Variants in PSD3 observed in about 807,000 individuals in gnomAD.
PSD3 encodes PH and SEC7 domain-containing protein 3.
In PSD3, 49 loss-of-function variants were observed where a neutral mutation model predicts 105.5. That is an observed-to-expected ratio of 0.46 (90% confidence interval 0.37 to 0.59). PSD3 has a LOEUF of 0.59. Among genes scored for constraint, PSD3 ranks in the 20% least tolerant of loss-of-function variants. The pLI, the probability that PSD3 is intolerant of heterozygous loss-of-function variation, is 0.00. For synonymous variants in PSD3, 557 were observed against 457.8 expected (o/e 1.22, Z -2.77); for missense variants, 1,561 against 1,263.8 (o/e 1.24, Z -3.57).
chr8:18,659,105 G>C (rs1241895281), intron 9 of PSD3, among the ~76,000 whole-genome samples: 1 of 152,180 alleles, frequency 6.6e-6, no homozygotes, highest in Admixed American at 6.5e-5. Context: ...CTGAAGCCAA[G>C]GGGACTAGGG....
chr8:18,829,080 A>T (rs910468628), intron 4 of PSD3, among the ~76,000 whole-genome samples: 1 of 152,024 alleles, frequency 6.6e-6, no homozygotes, highest in East Asian at 1.9e-4. Flanking sequence ...TAAAAAAAAA[A>T]TACTGAAAAT....
At chr8:18,825,005 A>G (rs756523841) in intron 4 of PSD3, among the ~76,000 whole-genome samples, 1 of 152,152 alleles carries the variant, frequency 6.6e-6, no homozygotes, top group Non-Finnish European at 1.5e-5. Flanking sequence ...ACACACATAC[A>G]ATGTTTTAAC....
chr8:19,082,594 A>G (rs979603784), intron 1 of PSD3, among the ~76,000 whole-genome samples: 2 of 150,352 alleles, frequency 1.3e-5, no homozygotes, highest in Non-Finnish European at 3.0e-5. Context: ...AATTAGGTGG[A>G]CAAGGGTGAG....
chr8:18,993,970 T>C (rs1773582003), intron 1 of PSD3, among the ~76,000 whole-genome samples: 1 of 152,042 alleles, frequency 6.6e-6, no homozygotes, highest in Non-Finnish European at 1.5e-5. Flanking sequence ...AATGTATGTA[T>C]CACTGACATG....
intron 9 of PSD3, among the ~76,000 whole-genome samples, chr8:18,692,704 C>T (rs953022382): frequency 6.6e-6 from 1 of 152,162 alleles, no homozygotes; most frequent in African/African-American, 2.4e-5. Flanking sequence ...TTCCCAGTAA[C>T]TGATGTTTGG....
chr8:19,078,892 C>T (rs1295801811), intron 1 of PSD3, among the ~76,000 whole-genome samples: 24 of 151,316 alleles, frequency 1.6e-4, no homozygotes, highest in Non-Finnish European at 2.9e-5. Context: ...GAAGAATGGG[C>T]AAGCAGAAGA....
At chr8:18,834,944 G>A (rs1266443039) in intron 4 of PSD3, among the ~76,000 whole-genome samples, 4 of 152,158 alleles carry the variant, frequency 2.6e-5, no homozygotes, top group Non-Finnish European at 1.5e-5. Flanking sequence ...GTAAAAAAAG[G>A]GTAAGCAGAT....
intron 4 of PSD3, among the ~76,000 whole-genome samples, chr8:18,844,707 T>C (rs777682860): frequency 6.6e-6 from 1 of 152,202 alleles, no homozygotes; most frequent in African/African-American, 2.4e-5. Context: ...ATAAGATTAT[T>C]AGAAAAGTTA....
chr8:18,983,130 A>G (rs1825324779), intron 1 of PSD3, among the ~76,000 whole-genome samples: 1 of 152,230 alleles, frequency 6.6e-6, no homozygotes, highest in South Asian at 2.1e-4. Context: ...TTTATGTTAT[A>G]AAGATGGCCT....
At chr8:18,641,524 T>C (rs1407923647) in intron 10 of PSD3, among the ~76,000 whole-genome samples, 2 of 152,210 alleles carry the variant, frequency 1.3e-5, no homozygotes, top group East Asian at 3.9e-4. Flanking sequence ...GAAGAGTCTG[T>C]ATCAAACATG....
In PSD3 at chr8:19,052,423, G is replaced by A. The variant is rs569387596; in HGVS notation, c.324+31783C>T. Among the ~76,000 whole-genome samples, 18 of 147,116 alleles carry A rather than the reference G, an allele frequency of 1.2e-4. No homozygotes were observed. In the East Asian group the frequency reaches 3.4e-3, roughly 28 times the overall value. On this transcript the variant is annotated intron_variant, in intron 1 of 1. Transcript: ENST00000521475. Reference sequence around the variant, plus strand: ...GGAGGCAGAGGTTGCAGTGAGCCGAGATCGCACCACTGCACTCCAGCCTGG... The same window carrying A: ...GGAGGCAGAGGTTGCAGTGAGCCGAAATCGCACCACTGCACTCCAGCCTGG...
At chr8:19,026,894 T>C (rs894612683) in intron 1 of PSD3, among the ~76,000 whole-genome samples, 7 of 151,262 alleles carry the variant, frequency 4.6e-5, no homozygotes, top group African/African-American at 1.7e-4. Flanking sequence ...AATATATATA[T>C]ATACAAAGAA....
At chr8:18,821,817 T>A (rs1812748089) in intron 4 of PSD3, among the ~76,000 whole-genome samples, 1 of 104,956 alleles carries the variant, frequency 9.5e-6, no homozygotes, top group Non-Finnish European at 2.0e-5. Flanking sequence ...GCCTCTCACT[T>A]CAAGTGTTTT....
At chr8:18,891,068 C>A (rs1818754664) in intron 2 of PSD3, among the ~76,000 whole-genome samples, 1 of 152,162 alleles carries the variant, frequency 6.6e-6, no homozygotes, top group Non-Finnish European at 1.5e-5. Flanking sequence ...CCAGAGCTTA[C>A]TATGGATAAT....
chr8:18,911,501 G>A (rs886124782), intron 2 of PSD3, among the ~76,000 whole-genome samples: 1 of 152,116 alleles, frequency 6.6e-6, no homozygotes, highest in African/African-American at 2.4e-5. Context: ...CTGGGCCTCA[G>A]TGAGTCTCAG....
At chr8:18,763,109 C>T (rs764867818) in intron 9 of PSD3, 4 of 455,472 alleles carry the variant, frequency 8.8e-6, no homozygotes, top group South Asian at 1.6e-5. Flanking sequence ...ACAAATGTTA[C>T]TTCTGGGCCA....
intron 8 of PSD3, among the ~76,000 whole-genome samples, chr8:18,789,538 G>C (rs1210030955): frequency 2.0e-5 from 3 of 152,096 alleles, no homozygotes; most frequent in African/African-American, 7.2e-5. Flanking sequence ...AAAAGATTTT[G>C]GGGCTTCTCA....
intron 2 of PSD3, among the ~76,000 whole-genome samples, chr8:18,922,922 A>G (rs1457411182): frequency 1.3e-5 from 2 of 152,146 alleles, no homozygotes; most frequent in African/African-American, 4.8e-5. Context: ...TGGAACCTCC[A>G]TGTGTTCGTC....
chr8:18,538,040 A>T (rs1421238422), intron 15 of PSD3, among the ~76,000 whole-genome samples: 2 of 152,158 alleles, frequency 1.3e-5, no homozygotes, highest in African/African-American at 4.8e-5. Context: ...GCCCCGTGAC[A>T]TGGGCAGTAG....
Sources: allele counts gnomAD v4.1 joint callset (sites outside exome capture counted in the v4.1 genomes callset), GRCh38; gene constraint gnomAD v4.1.1; transcripts MANE v1.5; gene names NCBI Gene and HGNC (gene_info 2026-07-23, HGNC 2026-07-21).